Variants in DPP10 observed in about 807,000 individuals in gnomAD.
DPP10 encodes dipeptidyl peptidase like 10.
DPP10 carries 33 observed loss-of-function variants against 120.9 expected under a neutral mutation model. The observed-to-expected ratio is 0.27, with a 90% confidence interval of 0.21 to 0.37. The LOEUF (loss-of-function observed/expected upper bound fraction) is 0.37. DPP10 is among the 10% of genes least tolerant of loss of function. The pLI, the probability that DPP10 is intolerant of heterozygous loss-of-function variation, is 1.00. For synonymous variants in DPP10, 337 were observed against 326.1 expected, an observed-to-expected ratio of 1.03 and a Z score of -0.36; for missense variants, 816 against 942.8, an observed-to-expected ratio of 0.87 and a Z score of 1.76.
At chr2:115,080,435 T>G (rs2104492801) in intron 1 of DPP10, among the ~76,000 whole-genome samples, 1 of 152,316 alleles carries the variant, frequency 6.6e-6, no homozygotes, top group African/African-American at 2.4e-5. Flanking sequence ...CAGCTGGAAG[T>G]TAACTCAAGT....
At chr2:114,771,123 A>C (rs78816198) in intron 1 of DPP10, among the ~76,000 whole-genome samples, 2,782 of 152,344 alleles carry the variant, frequency 0.018, 47 homozygotes, top group African/African-American at 0.048. Flanking sequence ...TCCTGTAAGC[A>C]TCAGTAATTG....
chr2:114,483,335 A>G (rs1037215587), intron 1 of DPP10, among the ~76,000 whole-genome samples: 1 of 152,030 alleles, frequency 6.6e-6, no homozygotes, highest in Non-Finnish European at 1.5e-5. Context: ...CATCTGTTCC[A>G]CTAGGTTTTC....
At chr2:115,304,353 A>G (rs917774065) in intron 1 of DPP10, among the ~76,000 whole-genome samples, 2 of 152,076 alleles carry the variant, frequency 1.3e-5, no homozygotes, top group African/African-American at 2.4e-5. Context: ...TGGGTTAAGA[A>G]TGACGCTAAG....
Position 114,532,256 on chromosome 2 carries a change from C to CATATATATATAT in DPP10, c.60+89448_60+89459dup, listed in dbSNP as rs66716319. Among the ~76,000 whole-genome samples the CATATATATATAT allele has an allele frequency of 2.9e-3, 246 of 85,948 alleles. 2 individuals are homozygous for CATATATATATAT. Among genetic ancestry groups the CATATATATATAT allele is most frequent in the Middle Eastern group, 5.6e-3 (1 of 178 alleles). The allele number at this position is 85,948 out of a possible 152,430, so 56.4% of individuals were successfully genotyped here. A position where few individuals can be genotyped will look rare whatever the true frequency, so the allele number is the denominator to read the frequency against. On this transcript the variant is annotated intron_variant, in intron 1 of 25. Coordinates refer to ENST00000410059, the MANE Select transcript of DPP10 (RefSeq NM_020868.6). The stretch of plus-strand genomic sequence containing the variant: ...CGAGCCAATTCCCATAATAAATCTC[C>CATATATATATAT]ATATATATATATATATATATATATA...
chr2:115,461,319 A>G (rs931404535), intron 3 of DPP10, among the ~76,000 whole-genome samples: 1 of 151,992 alleles, frequency 6.6e-6, no homozygotes, highest in Non-Finnish European at 1.5e-5. Context: ...ATATTTGTCT[A>G]TTAAATTTTC....
intron 1 of DPP10, among the ~76,000 whole-genome samples, chr2:114,870,319 C>T (rs1690583638): frequency 6.6e-6 from 1 of 151,982 alleles, no homozygotes; most frequent in Admixed American, 6.6e-5. Flanking sequence ...TGGTGTAATG[C>T]ATATAAAACA....
chr2:115,252,094 G>A lies in DPP10; in HGVS notation c.61-57145G>A, dbSNP rs151256764. On this transcript the variant is annotated intron_variant, in intron 1 of 25. Transcript: ENST00000410059. ...AGGACCTCCTCAATCGGAACATATC[G>A]CCTCATAAATTATAGGATTAATTTG... Among the ~76,000 whole-genome samples, 317 of 152,232 alleles carry A rather than the reference G, an allele frequency of 2.1e-3. 3 individuals are homozygous for A. Among genetic ancestry groups the A allele is most frequent in the Admixed American group, 3.3e-3 (50 of 15,292 alleles).
At chr2:114,926,484 T>C (rs572538245) in intron 1 of DPP10, among the ~76,000 whole-genome samples, 1 of 152,316 alleles carries the variant, frequency 6.6e-6, no homozygotes, top group Admixed American at 6.5e-5. Flanking sequence ...ACAAAAGCCC[T>C]TCCTTGGAGC....
chr2:115,559,261 A>C (rs1402544610), intron 5 of DPP10, among the ~76,000 whole-genome samples: 1 of 152,186 alleles, frequency 6.6e-6, no homozygotes, highest in Non-Finnish European at 1.5e-5. Flanking sequence ...GCCATATGAA[A>C]GGCAGGTTCA....
At chr2:114,871,170 C>A (rs924919536) in intron 1 of DPP10, among the ~76,000 whole-genome samples, 3 of 94,274 alleles carry the variant, frequency 3.2e-5, no homozygotes, top group African/African-American at 9.9e-5. Flanking sequence ...TGACCTTGCC[C>A]CACCCAGCTC....
intron 8 of DPP10, among the ~76,000 whole-genome samples, chr2:115,730,877 G>A (rs543275592): frequency 6.6e-6 from 1 of 152,260 alleles, no homozygotes; most frequent in East Asian, 1.9e-4. Flanking sequence ...AGGAAATGCT[G>A]TACGTGTATG....
Position 115,479,641 on chromosome 2 carries a change from A to ATG in DPP10, c.272-19867_272-19866dup, listed in dbSNP as rs201476848. Among the ~76,000 whole-genome samples the ATG allele has an allele frequency of 2.1e-5, 3 of 144,244 alleles. No homozygotes were observed. The East Asian group carries it at 6.4e-4, about 31-fold the overall frequency. The allele number at this position is 144,244 out of a possible 152,430, so 94.6% of individuals were successfully genotyped here. ...AGTTTAATTTTAAATAAAAACACAC[A>ATG]TGTATATATATATATAAATTTTTGA... On this transcript the variant is annotated intron_variant, in intron 3 of 25. Coordinates refer to ENST00000410059, the MANE Select transcript of DPP10 (RefSeq NM_020868.6).
At chr2:114,550,170 A>G (rs1437926057) in intron 1 of DPP10, among the ~76,000 whole-genome samples, 1 of 152,174 alleles carries the variant, frequency 6.6e-6, no homozygotes, top group African/African-American at 2.4e-5. Context: ...TCTAAAATGC[A>G]GGTCCGGAGA....
intron 8 of DPP10, 70 bp downstream of exon 8, chr2:115,728,006 T>G: frequency 6.6e-7 from 1 of 1,510,374 alleles, no homozygotes. Flanking sequence ...CCAAAAAAAA[T>G]CTATTCATTC....
chr2:115,682,472 G>A (rs559214794), intron 5 of DPP10, among the ~76,000 whole-genome samples: 53 of 151,878 alleles, frequency 3.5e-4, no homozygotes, highest in African/African-American at 1.1e-3. Flanking sequence ...AGAAAACGTC[G>A]CAGGAACTCT....
At chr2:114,601,140 G>C (rs1692331710) in intron 1 of DPP10, among the ~76,000 whole-genome samples, 1 of 151,796 alleles carries the variant, frequency 6.6e-6, no homozygotes, top group Non-Finnish European at 1.5e-5. Context: ...ATCTTATTCA[G>C]TATTTACTAG....
At chr2:115,762,097 C>T (rs568972325) in intron 11 of DPP10, among the ~76,000 whole-genome samples, 12 of 152,178 alleles carry the variant, frequency 7.9e-5, no homozygotes, top group African/African-American at 2.9e-4. Context: ...TTCTCAAAGA[C>T]TGAGTTACTA....
At chr2:115,809,261 G>A (rs1229090670) in intron 19 of DPP10, among the ~76,000 whole-genome samples, 1 of 152,180 alleles carries the variant, frequency 6.6e-6, no homozygotes, top group African/African-American at 2.4e-5. Flanking sequence ...GTGGATCTAT[G>A]TGTACATACT....
At chr2:114,973,815 A>C (rs951990000) in intron 1 of DPP10, among the ~76,000 whole-genome samples, 3 of 152,118 alleles carry the variant, frequency 2.0e-5, no homozygotes, top group African/African-American at 7.2e-5. Flanking sequence ...GTGGCAGCAG[A>C]AGACCGTGAT....
Sources: allele counts gnomAD v4.1 joint callset (sites outside exome capture counted in the v4.1 genomes callset), GRCh38; gene constraint gnomAD v4.1.1; transcripts MANE v1.5; gene names NCBI Gene and HGNC (gene_info 2026-07-23, HGNC 2026-07-21).